Variants in PUM1 observed in about 807,000 individuals in gnomAD.
PUM1 encodes the protein pumilio RNA binding family member 1.
In PUM1, 13 loss-of-function variants were observed where a neutral mutation model predicts 131.8. The ratio of observed to expected loss-of-function variants is 0.10; its 90% CI spans 0.06 to 0.16. The LOEUF is 0.16. Among genes scored for constraint, PUM1 ranks in the 10% least tolerant of loss-of-function variants. The probability of loss-of-function intolerance (pLI) is 1.00; values close to 1 mark genes in which losing one functional copy is unlikely to be tolerated. For synonymous variants in PUM1, 509 were observed against 556.5 expected (o/e 0.91, Z 1.20); for missense variants, 961 against 1,512.4 (o/e 0.64, Z 6.05).
At chr1:31,010,128 G>A (rs563868896) in intron 3 of PUM1, among the ~76,000 whole-genome samples, 1 of 151,552 alleles carries the variant, frequency 6.6e-6, no homozygotes, top group Admixed American at 6.6e-5. Flanking sequence ...AAAAAAAAAA[G>A]AAAGCAAAAG....
chr1:30,998,641 CGAAAA>C (rs1642072723), intron 5 of PUM1, among the ~76,000 whole-genome samples: 1 of 151,966 alleles, frequency 6.6e-6, no homozygotes, highest in African/African-American at 2.4e-5. Context: ...ATAAAGGATA[CGAAAA>C]GAAAAGAAAA....
At chr1:30,975,423 T>C (rs1458662815) in intron 9 of PUM1, among the ~76,000 whole-genome samples, 1 of 151,354 alleles carries the variant, frequency 6.6e-6, no homozygotes, top group African/African-American at 2.4e-5. Flanking sequence ...CAATCTCAGC[T>C]CACTGCAACC....
chr1:31,054,134 AGCCT>A (rs1644179855), intron 2 of PUM1, among the ~76,000 whole-genome samples: 1 of 144,884 alleles, frequency 6.9e-6, no homozygotes, highest in African/African-American at 2.6e-5. Flanking sequence ...GTTTGAGACC[AGCCT>A]GAGCATGGCA....
intron 5 of PUM1, among the ~76,000 whole-genome samples, chr1:31,001,215 A>G (rs1182141120): frequency 2.6e-5 from 4 of 152,038 alleles, no homozygotes; most frequent in Admixed American, 2.6e-4. Flanking sequence ...AAATAAATAA[A>G]TTAGCTGGGT....
intron 2 of PUM1, among the ~76,000 whole-genome samples, chr1:31,031,143 G>C (rs1643414661): frequency 8.0e-6 from 1 of 124,906 alleles, no homozygotes; most frequent in Admixed American, 7.0e-5. Context: ...CAGGATGTTA[G>C]CTAGGAACTC....
intron 2 of PUM1, chr1:31,037,152 G>C (rs1368637062): frequency 6.5e-6 from 1 of 153,128 alleles, no homozygotes; most frequent in Non-Finnish European, 1.5e-5. Context: ...GGAAAAACCA[G>C]GCATCAACTA....
At chr1:31,001,252 C>G (rs762217622) in intron 5 of PUM1, among the ~76,000 whole-genome samples, 3 of 151,844 alleles carry the variant, frequency 2.0e-5, no homozygotes, top group Non-Finnish European at 4.4e-5. Context: ...TCCTGTAGTC[C>G]CAGCTACTGG....
chr1:31,058,286 A>T (rs939434533), intron 2 of PUM1, among the ~76,000 whole-genome samples: 2 of 152,206 alleles, frequency 1.3e-5, no homozygotes, highest in African/African-American at 4.8e-5. Context: ...AAAAATATGT[A>T]TCTATCCTAT....
intron 2 of PUM1, among the ~76,000 whole-genome samples, chr1:31,043,265 C>G (rs1480586039): frequency 1.3e-5 from 2 of 151,920 alleles, no homozygotes; most frequent in Non-Finnish European, 2.9e-5. Flanking sequence ...TGCAATGGTG[C>G]GATCTCAGCT....
intron 6 of PUM1, among the ~76,000 whole-genome samples, chr1:30,993,313 A>G (rs1570227723): frequency 6.6e-6 from 1 of 150,832 alleles, no homozygotes; most frequent in Admixed American, 6.6e-5. Context: ...GATGTAATTT[A>G]TCATCCAAAC....
At position 30,952,324 on chromosome 1, in the gene PUM1, C is replaced by T; in HGVS notation, c.2631G>A (p.Glu877=). 6.2e-7 allele frequency: 1 copy of T among 1,613,150 alleles called. No individual in the cohort carries two copies. The highest frequency in any genetic ancestry group is 8.5e-7 in the Non-Finnish European group (1 of 1,179,102). The change falls in exon 16 of 22, where the codon GAG becomes GAA. Residue 877 remains glutamate (E), a synonymous_variant. Transcript: ENST00000426105. ...GGATTTCATTGAAGACAAGCTGGCGCTCAGCTGGTGTGGCACGCTCCAGTT... is the reference window on the plus strand; with the variant it reads ...GGATTTCATTGAAGACAAGCTGGCGTTCAGCTGGTGTGGCACGCTCCAGTT... The part of the protein sequence containing the change: ...QLKLERATPA[E]RQLVFNEILQ...
chr1:30,998,749 TTTACAGTGA>T (rs1642077148), intron 5 of PUM1, among the ~76,000 whole-genome samples: 1 of 152,182 alleles, frequency 6.6e-6, no homozygotes, highest in South Asian at 2.1e-4. Flanking sequence ...CTACCAAAAA[TTTACAGTGA>T]ATGCTCAGAA....
intron 14 of PUM1, among the ~76,000 whole-genome samples, chr1:30,957,123 C>CACACACAG (rs1466815533): frequency 2.1e-4 from 32 of 150,524 alleles, no homozygotes; most frequent in Non-Finnish European, 4.0e-4. Flanking sequence ...CACACACACA[C>CACACACAG]AGCTTTTATT....
At chr1:31,026,248 T>A (rs1159794373) in intron 3 of PUM1, among the ~76,000 whole-genome samples, 1 of 150,458 alleles carries the variant, frequency 6.6e-6, no homozygotes. Context: ...AGAGTGAGAC[T>A]CAGTCTCTTA....
intron 5 of PUM1, 27 bp from the exon 6 acceptor site, chr1:30,995,247 CTAATCGTCATCAACTAA>C: frequency 6.2e-7 from 1 of 1,612,798 alleles, no homozygotes; most frequent in Non-Finnish European, 8.5e-7. Flanking sequence ...TTCAGCTTCA[CTAATCGTCATCAACTAA>C]TAATAACGGG....
chr1:30,973,130 C>A, intron 10 of PUM1: 1 of 174,044 alleles, frequency 5.7e-6, no homozygotes, highest in Non-Finnish European at 1.3e-5. Context: ...AAATTATTTA[C>A]TGAATTTCCT....
intron 2 of PUM1, among the ~76,000 whole-genome samples, chr1:31,044,958 C>T (rs1309691761): frequency 3.3e-5 from 5 of 152,058 alleles, no homozygotes; most frequent in African/African-American, 9.7e-5. Context: ...TAAAGGCATG[C>T]GCCACCACGC....
At chr1:31,051,064 T>A (rs1644096872) in intron 2 of PUM1, 1 of 152,414 alleles carries the variant, frequency 6.6e-6, no homozygotes, top group African/African-American at 2.4e-5. Flanking sequence ...GAAGTGATCT[T>A]CCTTGAATGG....
At chr1:31,059,017 A>G (rs1239830287) in intron 2 of PUM1, among the ~76,000 whole-genome samples, 187 bp downstream of exon 2, 1 of 152,188 alleles carries the variant, frequency 6.6e-6, no homozygotes, top group Non-Finnish European at 1.5e-5. Flanking sequence ...GCTATTTACT[A>G]TTTAGCACCA....
Sources: gnomAD v4.1 joint callset for allele counts (sites outside exome capture counted in the v4.1 genomes callset) on GRCh38, gnomAD v4.1.1 for gene constraint, MANE v1.5 for transcripts, NCBI Gene and HGNC (gene_info 2026-07-23, HGNC 2026-07-21) for gene names.